Variants in CTNNA1 observed in about 807,000 individuals in gnomAD.
The protein encoded by CTNNA1 is catenin alpha-1.
CTNNA1 carries 37 observed loss-of-function variants against 98.4 expected under a neutral mutation model. The ratio of observed to expected loss-of-function variants is 0.38; its 90% CI spans 0.29 to 0.49. The LOEUF (loss-of-function observed/expected upper bound fraction) is 0.49. Ranked by LOEUF, CTNNA1 falls within the 20% of genes least tolerant of loss-of-function variation. The pLI, the probability that CTNNA1 is intolerant of heterozygous loss-of-function variation, is 0.95. For synonymous variants in CTNNA1, 404 were observed against 413.2 expected, an observed-to-expected ratio of 0.98 and a Z score of 0.27; for missense variants, 761 against 1,147.2, an observed-to-expected ratio of 0.66 and a Z score of 4.86.
intron 5 of CTNNA1, among the ~76,000 whole-genome samples, chr5:138,822,430 T>C (rs1052931951): frequency 6.6e-6 from 1 of 152,238 alleles, no homozygotes; most frequent in African/African-American, 2.4e-5. Context: ...GAAGCTATGC[T>C]GATCTAGGTC....
chr5:138,820,299 AC>A (rs1231283341), intron 5 of CTNNA1, among the ~76,000 whole-genome samples: 1 of 151,772 alleles, frequency 6.6e-6, no homozygotes, highest in African/African-American at 2.4e-5. Context: ...GGCCGCTCAC[AC>A]TAGGAGCAAG....
intron 3 of CTNNA1, among the ~76,000 whole-genome samples, chr5:138,789,460 T>C (rs1561528023): frequency 6.6e-6 from 1 of 151,736 alleles, no homozygotes; most frequent in Admixed American, 6.6e-5. Context: ...GAGGTTTTTG[T>C]TTTGTTTTGT....
chr5:138,768,315 A>G (rs1317030523), intron 1 of CTNNA1, among the ~76,000 whole-genome samples: 1 of 152,080 alleles, frequency 6.6e-6, no homozygotes, highest in African/African-American at 2.4e-5. Flanking sequence ...GCTAGAGTGC[A>G]GTGGTGCGAT....
chr5:138,898,718 C>T (rs1757421055), intron 9 of CTNNA1, among the ~76,000 whole-genome samples: 1 of 152,114 alleles, frequency 6.6e-6, no homozygotes, highest in African/African-American at 2.4e-5. Context: ...TATTTCATCC[C>T]TTCTGAAAAA....
intron 9 of CTNNA1, among the ~76,000 whole-genome samples, chr5:138,893,304 T>C (rs548049618): frequency 6.6e-6 from 1 of 152,270 alleles, no homozygotes; most frequent in East Asian, 1.9e-4. Flanking sequence ...CCCATTGAGC[T>C]CACAGTTGGT....
At chr5:138,803,359 T>G (rs1016999849) in intron 3 of CTNNA1, among the ~76,000 whole-genome samples, 3 of 152,144 alleles carry the variant, frequency 2.0e-5, no homozygotes, top group African/African-American at 7.2e-5. Context: ...TCTCACAATG[T>G]TACGTAGGCT....
At chr5:138,839,969 A>G (rs1410858951) in intron 7 of CTNNA1, among the ~76,000 whole-genome samples, 1 of 152,210 alleles carries the variant, frequency 6.6e-6, no homozygotes, top group Non-Finnish European at 1.5e-5. Flanking sequence ...ATAGAATAGA[A>G]CTTGTTAAAG....
At chr5:138,844,727 C>T (rs1762560000) in intron 7 of CTNNA1, among the ~76,000 whole-genome samples, 3 of 151,910 alleles carry the variant, frequency 2.0e-5, no homozygotes, top group Non-Finnish European at 2.9e-5. Flanking sequence ...TAAAAAATTA[C>T]CTATTATTTT....
chr5:138,811,235 G>A (rs1183039898), intron 4 of CTNNA1, among the ~76,000 whole-genome samples: 1 of 147,560 alleles, frequency 6.8e-6, no homozygotes, highest in Non-Finnish European at 1.5e-5. Context: ...TCACCTCCCA[G>A]ATGGGGTCGC....
At chr5:138,832,199 A>C (rs1761338145) in intron 7 of CTNNA1, among the ~76,000 whole-genome samples, 1 of 152,212 alleles carries the variant, frequency 6.6e-6, no homozygotes, top group African/African-American at 2.4e-5. Context: ...TTGCTTGCAT[A>C]GTGGTTTGAT....
At chr5:138,778,179 A>G (rs1754618071) in intron 1 of CTNNA1, among the ~76,000 whole-genome samples, 1 of 151,332 alleles carries the variant, frequency 6.6e-6, no homozygotes, top group South Asian at 2.1e-4. Context: ...TATTTTTAGT[A>G]GAGACGGGGT....
intron 7 of CTNNA1, among the ~76,000 whole-genome samples, chr5:138,856,149 A>G (rs1288310264): frequency 6.6e-6 from 1 of 152,236 alleles, no homozygotes; most frequent in Non-Finnish European, 1.5e-5. Context: ...TTAAAATTAT[A>G]TTGATAGCCA....
At chr5:138,933,057 C>G in intron 17 of CTNNA1, 1 of 733,944 alleles carries the variant, frequency 1.4e-6, no homozygotes, top group Non-Finnish European at 2.5e-6. Flanking sequence ...TTACTTGAGC[C>G]TGGGAGATGG....
At chr5:138,797,435 G>A (rs1430204981) in intron 3 of CTNNA1, among the ~76,000 whole-genome samples, 1 of 152,024 alleles carries the variant, frequency 6.6e-6, no homozygotes, top group Non-Finnish European at 1.5e-5. Flanking sequence ...TTATATATCT[G>A]CTATTTAAAG....
At chr5:138,830,010 C>CA (rs891379014) in intron 7 of CTNNA1, among the ~76,000 whole-genome samples, 4 of 151,876 alleles carry the variant, frequency 2.6e-5, no homozygotes, top group Admixed American at 6.6e-5. Flanking sequence ...ACTAAAAATA[C>CA]AAAAAAATTA....
rs553762286 is a variant in CTNNA1, at chr5:138,906,873, T to C, written c.1389+2432T>C. Reference sequence around the variant, plus strand: ...TGCTATGCACACAGGACTGGGCAGGTTCAGTAATGGCAAATAAAGTAGGTG... The same window carrying C: ...TGCTATGCACACAGGACTGGGCAGGCTCAGTAATGGCAAATAAAGTAGGTG... On this transcript the variant is annotated intron_variant, in intron 10 of 17. Transcript: ENST00000302763. 3.3e-5 allele frequency among the ~76,000 whole-genome samples: 5 copies of C among 152,214 alleles called. No homozygotes were observed. In the East Asian group the frequency reaches 9.6e-4, roughly 29 times the overall value.
Position 138,795,252 on chromosome 5 carries a change from G to A in CTNNA1, c.301+11880G>A, listed in dbSNP as rs1402771752. Among the ~76,000 whole-genome samples, 3 of 151,612 alleles carry A rather than the reference G, an allele frequency of 2.0e-5. No homozygotes were observed. The East Asian group carries it at 5.8e-4, about 29-fold the overall frequency. ...CGAGGTGGGTGGATCACGAGGTCAG[G>A]GGTTTGAGACCAGCCTGACCAACAT... On this transcript the variant is annotated intron_variant, in intron 3 of 17. Coordinates refer to ENST00000302763, the MANE Select transcript of CTNNA1 (RefSeq NM_001903.5).
chr5:138,794,057 G>A (rs1014026409), intron 3 of CTNNA1, among the ~76,000 whole-genome samples: 14 of 132,104 alleles, frequency 1.1e-4, no homozygotes, highest in Non-Finnish European at 2.0e-4. Context: ...TTGCTCTGTC[G>A]CCCAGGCTGA....
intron 3 of CTNNA1, among the ~76,000 whole-genome samples, chr5:138,797,536 C>T (rs568406907): frequency 6.6e-6 from 1 of 152,238 alleles, no homozygotes; most frequent in Non-Finnish European, 1.5e-5. Flanking sequence ...CTCTACTGGG[C>T]TGGCAAAAAT....
Sources: gnomAD v4.1 joint callset for allele counts (sites outside exome capture counted in the v4.1 genomes callset) on GRCh38, gnomAD v4.1.1 for gene constraint, MANE v1.5 for transcripts, NCBI Gene and HGNC (gene_info 2026-07-23, HGNC 2026-07-21) for gene names.